Variants in CHN1 observed in about 807,000 individuals in gnomAD.
The protein encoded by CHN1 is chimerin 1.
In CHN1, 37 loss-of-function variants were observed where a neutral mutation model predicts 59.5. The observed-to-expected ratio is 0.62, with a 90% CI of 0.48 to 0.82. The LOEUF is 0.82. Among genes scored for constraint, CHN1 ranks in the 40% least tolerant of loss-of-function variants. CHN1 has a pLI of 0.00. For missense variants in CHN1, 469 were observed against 571.0 expected (o/e 0.82, Z 1.82); for synonymous variants, 206 against 200.4 (o/e 1.03, Z -0.24).
intron 6 of CHN1, among the ~76,000 whole-genome samples, chr2:174,863,972 T>G (rs184705851): frequency 6.6e-6 from 1 of 152,322 alleles, no homozygotes; most frequent in Admixed American, 6.5e-5. Context: ...TTCTCATAAG[T>G]ACTAGCATTA....
intron 3 of CHN1, among the ~76,000 whole-genome samples, chr2:174,928,388 CGTT>C (rs1437840347): frequency 1.3e-5 from 2 of 151,996 alleles, no homozygotes; most frequent in Non-Finnish European, 2.9e-5. Flanking sequence ...GGGATCTAAC[CGTT>C]GTTTAAAGAT....
At chr2:174,940,273 C>G (rs190428813) in intron 3 of CHN1, among the ~76,000 whole-genome samples, 1 of 152,138 alleles carries the variant, frequency 6.6e-6, no homozygotes, top group Non-Finnish European at 1.5e-5. Flanking sequence ...GTGATCCACC[C>G]GCCTTAGCCT....
At position 174,918,208 on chromosome 2, in the gene CHN1, G is replaced by A. The variant is rs367622165; in HGVS notation, c.146+326C>T. 2.6e-5 allele frequency among the ~76,000 whole-genome samples: 4 copies of A among 152,164 alleles called. No homozygotes were observed. In the South Asian group the frequency reaches 6.2e-4, roughly 24 times the overall value. ...CATCCCACTGTACATACATGTGTGTGTATATACGTATCTATATACCTAATA... is the reference window on the plus strand; with the variant it reads ...CATCCCACTGTACATACATGTGTGTATATATACGTATCTATATACCTAATA... On this transcript the variant is annotated intron_variant, in intron 4 of 12. Coordinates refer to ENST00000409900, the MANE Select transcript of CHN1 (RefSeq NM_001822.7).
At chr2:174,982,051 G>GT (rs570184327) in intron 1 of CHN1, among the ~76,000 whole-genome samples, 1 of 151,982 alleles carries the variant, frequency 6.6e-6, no homozygotes, top group Admixed American at 6.6e-5. Context: ...GCGGTGTTTG[G>GT]TTTTTTTGTC....
intron 6 of CHN1, 36 bp from the exon 7 acceptor site, chr2:174,846,993 T>C (rs1468000486): frequency 1.9e-6 from 3 of 1,552,028 alleles, no homozygotes; most frequent in Non-Finnish European, 2.6e-6. Context: ...GGTTGCCAGA[T>C]TGTCACAGAC....
chr2:174,827,627 C>A (rs1452769709), intron 7 of CHN1, among the ~76,000 whole-genome samples: 1 of 152,150 alleles, frequency 6.6e-6, no homozygotes, highest in Non-Finnish European at 1.5e-5. Context: ...GTCAAGGGGG[C>A]AAGGCTGAAG....
chr2:174,906,271 C>G (rs528177738), intron 5 of CHN1, among the ~76,000 whole-genome samples: 6 of 152,136 alleles, frequency 3.9e-5, no homozygotes, highest in African/African-American at 1.4e-4. Flanking sequence ...TAATATTATT[C>G]ATTAGTAAAA....
chr2:174,878,535 T>C (rs574823905), intron 5 of CHN1, among the ~76,000 whole-genome samples: 9 of 152,216 alleles, frequency 5.9e-5, no homozygotes, highest in Non-Finnish European at 1.2e-4. Context: ...AATAAGAATA[T>C]TCAATGTACT....
In CHN1 at chr2:174,845,638, G is replaced by GTTTATTTTAAAAT. The variant is rs1382610772; in HGVS notation, c.627+1229_627+1241dup. 2.6e-5 allele frequency among the ~76,000 whole-genome samples: 4 copies of GTTTATTTTAAAAT among 152,002 alleles called. No individual in the cohort carries two copies. The East Asian group carries it at 7.7e-4, about 29-fold the overall frequency. On this transcript the variant is annotated intron_variant, in intron 7 of 12. Transcript: ENST00000409900. Reference sequence around the variant, plus strand: ...AAGAGGAAGAAGAAAACGTTATTTAGTTTATTTTAAAATATTAGCAATTTT... The same window carrying GTTTATTTTAAAAT: ...AAGAGGAAGAAGAAAACGTTATTTAGTTTATTTTAAAATTTTATTTTAAAATATTAGCAATTTT...
chr2:174,983,132 T>A (rs1691213881), intron 1 of CHN1, among the ~76,000 whole-genome samples: 1 of 152,210 alleles, frequency 6.6e-6, no homozygotes, highest in African/African-American at 2.4e-5. Context: ...TAATGTTATA[T>A]CTTTTGACTT....
intron 6 of CHN1, among the ~76,000 whole-genome samples, chr2:174,868,154 T>C (rs1242335858): frequency 6.6e-6 from 1 of 152,214 alleles, no homozygotes; most frequent in African/African-American, 2.4e-5. Flanking sequence ...ATATCTTAAA[T>C]TTATTAATTA....
At chr2:174,910,678 T>C (rs1319213244) in intron 5 of CHN1, among the ~76,000 whole-genome samples, 2 of 152,128 alleles carry the variant, frequency 1.3e-5, no homozygotes, top group Non-Finnish European at 2.9e-5. Context: ...TGGGTTATGA[T>C]TGCATTTATA....
chr2:174,841,800 G>A (rs1385887916), intron 7 of CHN1, among the ~76,000 whole-genome samples: 1 of 152,120 alleles, frequency 6.6e-6, no homozygotes, highest in Non-Finnish European at 1.5e-5. Context: ...AGGCAATGAT[G>A]AGAGACATTA....
chr2:174,867,862 T>C (rs114474522), intron 6 of CHN1, among the ~76,000 whole-genome samples: 2 of 152,338 alleles, frequency 1.3e-5, no homozygotes, highest in African/African-American at 4.8e-5. Context: ...ATTAGTTATA[T>C]TATCTGTCAA....
chr2:174,992,903 G>C (rs2105465030), intron 1 of CHN1, among the ~76,000 whole-genome samples: 1 of 152,070 alleles, frequency 6.6e-6, no homozygotes, highest in South Asian at 2.1e-4. Flanking sequence ...AATCCTCCAG[G>C]CTCAGCCTCC....
chr2:174,943,319 CG>C (rs1689727625), intron 3 of CHN1, among the ~76,000 whole-genome samples: 1 of 151,792 alleles, frequency 6.6e-6, no homozygotes, highest in South Asian at 2.1e-4. Context: ...CTCTGCCTCC[CG>C]GGTTCAAGCG....
intron 5 of CHN1, among the ~76,000 whole-genome samples, chr2:174,907,740 A>G (rs1208655397): frequency 6.6e-6 from 1 of 151,844 alleles, no homozygotes; most frequent in African/African-American, 2.4e-5. Context: ...AACACCAAAC[A>G]TTTTGGTGAT....
At chr2:174,962,110 C>A (rs929650686) in intron 1 of CHN1, among the ~76,000 whole-genome samples, 51 of 152,064 alleles carry the variant, frequency 3.4e-4, no homozygotes, top group Non-Finnish European at 1.2e-4. Flanking sequence ...CATGGTGAAA[C>A]CCCGTCTCTA....
intron 5 of CHN1, among the ~76,000 whole-genome samples, chr2:174,891,356 G>A (rs1402859423): frequency 6.6e-6 from 1 of 151,514 alleles, no homozygotes; most frequent in Non-Finnish European, 1.5e-5. Flanking sequence ...TGGATCATGA[G>A]GTCCGGAGTT....
Sources: allele counts gnomAD v4.1 joint callset (sites outside exome capture counted in the v4.1 genomes callset), GRCh38; gene constraint gnomAD v4.1.1; transcripts MANE v1.5; gene names NCBI Gene and HGNC (gene_info 2026-07-23, HGNC 2026-07-21).